Variants in PTPRM observed in about 807,000 individuals in gnomAD.
PTPRM encodes the protein protein tyrosine phosphatase receptor type M.
In PTPRM, 47 loss-of-function variants were observed where a neutral mutation model predicts 186.7. The ratio of observed to expected loss-of-function variants is 0.25; its 90% CI spans 0.20 to 0.32. The LOEUF is 0.32. Ranked by LOEUF, PTPRM falls within the 10% of genes least tolerant of loss-of-function variation. PTPRM has a pLI of 1.00. For missense variants in PTPRM, 1,494 were observed against 1,865.0 expected (o/e 0.80, Z 3.66); for synonymous variants, 668 against 674.9 (o/e 0.99, Z 0.16).
chr18:8,277,200 G>A (rs969815231), intron 19 of PTPRM, among the ~76,000 whole-genome samples: 5 of 152,176 alleles, frequency 3.3e-5, no homozygotes, highest in African/African-American at 9.7e-5. Context: ...GCCTCCCAAA[G>A]TGCTCCTAAA....
intron 1 of PTPRM, among the ~76,000 whole-genome samples, chr18:7,641,790 G>A (rs962980667): frequency 1.2e-4 from 18 of 152,212 alleles, no homozygotes; most frequent in African/African-American, 4.3e-4. Context: ...ACTTACTTTC[G>A]GTCCAGCATT....
At chr18:7,929,833 T>TAA (rs142750371) in intron 5 of PTPRM, among the ~76,000 whole-genome samples, 493 of 152,302 alleles carry the variant, frequency 3.2e-3, no homozygotes, top group African/African-American at 0.011. Context: ...TGAAGACATG[T>TAA]AAACCTTTCG....
intron 1 of PTPRM, among the ~76,000 whole-genome samples, chr18:7,687,230 C>T (rs1176490018): frequency 6.6e-6 from 1 of 152,070 alleles, no homozygotes; most frequent in Non-Finnish European, 1.5e-5. Flanking sequence ...GAATTCTATA[C>T]TTAAAATATG....
At chr18:8,289,565 T>TATATATATATACATATATATACAC (rs1568675151) in intron 19 of PTPRM, among the ~76,000 whole-genome samples, 13 of 96,608 alleles carry the variant, frequency 1.3e-4, no homozygotes, top group South Asian at 3.8e-4. Context: ...TATATACACA[T>TATATATATATACATATATATACAC]ATATATATAT....
intron 31 of PTPRM, among the ~76,000 whole-genome samples, chr18:8,387,934 G>A (rs2095788367): frequency 8.0e-6 from 1 of 124,364 alleles, no homozygotes. Context: ...ATTATTTGGG[G>A]AGCTTTACAT....
At chr18:7,619,795 C>G (rs1273578260) in intron 1 of PTPRM, among the ~76,000 whole-genome samples, 1 of 152,174 alleles carries the variant, frequency 6.6e-6, no homozygotes, top group Admixed American at 6.5e-5. Context: ...TAGCAGTTCC[C>G]TGTTCATTTG....
intron 1 of PTPRM, among the ~76,000 whole-genome samples, chr18:7,673,712 C>T (rs189275867): frequency 6.6e-6 from 1 of 152,146 alleles, no homozygotes; most frequent in Admixed American, 6.5e-5. Flanking sequence ...TAGGATAAAG[C>T]CTTGCTTATA....
At chr18:8,213,544 A>T (rs150715849) in intron 14 of PTPRM, among the ~76,000 whole-genome samples, 2 of 152,150 alleles carry the variant, frequency 1.3e-5, no homozygotes, top group African/African-American at 4.8e-5. Flanking sequence ...CACAATTGAG[A>T]TGTCAGTTCA....
At chr18:8,294,174 C>T (rs889334856) in intron 19 of PTPRM, among the ~76,000 whole-genome samples, 3 of 152,150 alleles carry the variant, frequency 2.0e-5, no homozygotes. Flanking sequence ...ATCATTTGAA[C>T]CCAGGAGGCA....
At chr18:8,005,579 C>T (rs539943331) in intron 7 of PTPRM, among the ~76,000 whole-genome samples, 5 of 152,086 alleles carry the variant, frequency 3.3e-5, no homozygotes, top group Non-Finnish European at 5.9e-5. Context: ...AATTGTATAG[C>T]GAGTGAATAG....
At position 8,378,430 on chromosome 18, in the gene PTPRM, G is replaced by C; in HGVS notation, c.3612+16G>C. ...GGAATTCCGGGTAAGTGATGCCTAA[G>C]GGAGGGGCACTGCACGGTGACTTGC... is the stretch of plus-strand genomic sequence containing the variant. On this transcript the variant is annotated intron_variant, in intron 27 of 32. Coordinates refer to ENST00000580170, the MANE Select transcript of PTPRM (RefSeq NM_001105244.2). 1 of 1,613,560 alleles carries C rather than the reference G, an allele frequency of 6.2e-7. No individual in the cohort carries two copies. Among genetic ancestry groups the C allele is most frequent in the Non-Finnish European group, 8.5e-7 (1 of 1,179,632 alleles).
At chr18:8,198,174 C>A (rs2093805447) in intron 14 of PTPRM, among the ~76,000 whole-genome samples, 1 of 152,192 alleles carries the variant, frequency 6.6e-6, no homozygotes, top group African/African-American at 2.4e-5. Context: ...TAGACAGGAT[C>A]TTACTCCCAT....
intron 2 of PTPRM, among the ~76,000 whole-genome samples, chr18:7,882,974 C>A (rs1031549007): frequency 6.6e-6 from 1 of 152,176 alleles, no homozygotes; most frequent in African/African-American, 2.4e-5. Context: ...GTGAACATTG[C>A]ATGTTCTTAT....
intron 32 of PTPRM, chr18:8,404,558 C>T (rs1432711187): frequency 6.6e-6 from 1 of 152,138 alleles, no homozygotes; most frequent in East Asian, 1.9e-4. Flanking sequence ...AGGGTATTTA[C>T]AAAACAGAGT....
intron 19 of PTPRM, among the ~76,000 whole-genome samples, chr18:8,290,881 C>T (rs937177503): frequency 6.6e-6 from 1 of 152,126 alleles, no homozygotes; most frequent in Non-Finnish European, 1.5e-5. Context: ...CCCAAAAATA[C>T]ATCTAGTGTT....
chr18:8,100,908 A>G (rs967548768), intron 11 of PTPRM, among the ~76,000 whole-genome samples: 2 of 152,128 alleles, frequency 1.3e-5, no homozygotes, highest in African/African-American at 4.8e-5. Flanking sequence ...TTCTATGCTG[A>G]TATTCTGTGG....
chr18:8,095,189 A>G (rs1359550813), intron 11 of PTPRM, among the ~76,000 whole-genome samples: 1 of 152,064 alleles, frequency 6.6e-6, no homozygotes, highest in South Asian at 2.1e-4. Flanking sequence ...GTAAGTAGGG[A>G]TGAGGATGGG....
Position 7,701,943 on chromosome 18 carries a change from G to T in PTPRM, c.74-72206G>T, listed in dbSNP as rs552815563. On this transcript the variant is annotated intron_variant, in intron 1 of 32. Transcript: ENST00000580170. ...GTTCAACTCCCGTTTATGAGAACATGTGGTGTTTGGTTTTCTGTTCTTGTG... is the reference window on the plus strand; with the variant it reads ...GTTCAACTCCCGTTTATGAGAACATTTGGTGTTTGGTTTTCTGTTCTTGTG... 3.3e-5 allele frequency among the ~76,000 whole-genome samples: 5 copies of T among 152,224 alleles called. No homozygotes were observed. The South Asian group carries it at 1.0e-3, about 32-fold the overall frequency.
chr18:7,589,086 G>T (rs977443930), intron 1 of PTPRM, among the ~76,000 whole-genome samples: 7 of 152,160 alleles, frequency 4.6e-5, no homozygotes, highest in Admixed American at 3.9e-4. Flanking sequence ...GGACTCCAGT[G>T]ATCTTCCAGA....
Sources: allele counts gnomAD v4.1 joint callset (sites outside exome capture counted in the v4.1 genomes callset), GRCh38; gene constraint gnomAD v4.1.1; transcripts MANE v1.5; gene names NCBI Gene and HGNC (gene_info 2026-07-23, HGNC 2026-07-21).